The following DGKB variants were observed in gnomAD, a reference collection of about 807,000 sequenced individuals.
The protein encoded by DGKB is 90 kDa diacylglycerol kinase.
DGKB carries 67 observed loss-of-function variants against 114.3 expected under a neutral mutation model. The observed-to-expected ratio is 0.59, with a 90% confidence interval of 0.48 to 0.72. The LOEUF (loss-of-function observed/expected upper bound fraction) is 0.72, where lower values mean the gene tolerates loss of function less well. DGKB is among the 30% of genes least tolerant of loss of function. DGKB has a pLI of 0.00. For synonymous variants in DGKB, 398 were observed against 323.1 expected (o/e 1.23, Z -2.49); for missense variants, 907 against 975.2 (o/e 0.93, Z 0.93).
At chr7:14,675,285 G>A (rs1297285036) in intron 12 of DGKB, among the ~76,000 whole-genome samples, 3 of 152,080 alleles carry the variant, frequency 2.0e-5, no homozygotes, top group African/African-American at 7.2e-5. Context: ...AGAGGCCTCA[G>A]CCTCCTCCAC....
rs1847911427 is a variant in DGKB at position 14,841,401 on chromosome 7, C to G, written c.-138G>C. On this transcript the variant is annotated 5_prime_UTR_variant, in exon 2 of 26. Coordinates refer to ENST00000402815, the MANE Select transcript of DGKB (RefSeq NM_001350709.2). Reference sequence around the variant, plus strand: ...CAGGCTTTCAAAATATGCAATCTGTCCACATGAAACTGCTTTGGATGCTTG... The same window carrying G: ...CAGGCTTTCAAAATATGCAATCTGTGCACATGAAACTGCTTTGGATGCTTG... 3 of 607,444 alleles carry G rather than the reference C, an allele frequency of 4.9e-6. No individual in the cohort carries two copies. The Admixed American group carries it at 1.0e-4, about 21-fold the overall frequency. The allele number at this position is 607,444 out of a possible 1,614,324, so 37.6% of individuals were successfully genotyped here. A position where few individuals can be genotyped will look rare whatever the true frequency, so the allele number is the denominator to read the frequency against.
chr7:14,462,541 C>T (rs534550908), intron 21 of DGKB, among the ~76,000 whole-genome samples: 4 of 152,156 alleles, frequency 2.6e-5, no homozygotes, highest in East Asian at 1.9e-4. Flanking sequence ...ATACAACTTA[C>T]AAGGGATGTG....
chr7:14,892,495 A>T (rs2128226913), intron 1 of DGKB, among the ~76,000 whole-genome samples: 1 of 151,418 alleles, frequency 6.6e-6, no homozygotes. Context: ...AAACATATAC[A>T]TATATATTTA....
Position 14,796,687 on chromosome 7 carries a change from TAA to T in DGKB, c.71-38958_71-38957del, listed in dbSNP as rs59325137. Among the ~76,000 whole-genome samples, 315 of 140,886 alleles carry T rather than the reference TAA, an allele frequency of 2.2e-3. 3 individuals carry two copies. Among genetic ancestry groups the T allele is most frequent in the Middle Eastern group, 0.015 (4 of 262 alleles). 92.4% of individuals were successfully genotyped at this position (140,886 alleles called of 152,430 possible). On this transcript the variant is annotated intron_variant, in intron 2 of 25. Transcript: ENST00000402815. ...TTTTACTTGTAAACTTTCTAGAAAG[TAA>T]AAAAAAAAAAAAAGTATTTGCTTAT... is the stretch of plus-strand genomic sequence containing the variant.
At chr7:14,584,680 T>G (rs555087913) in intron 17 of DGKB, among the ~76,000 whole-genome samples, 1 of 151,864 alleles carries the variant, frequency 6.6e-6, no homozygotes, top group African/African-American at 2.4e-5. Context: ...TTTTTTGAGA[T>G]GGAGTTTCAC....
intron 21 of DGKB, among the ~76,000 whole-genome samples, chr7:14,392,982 G>GTTTTT (rs1298052301): frequency 1.1e-4 from 3 of 27,486 alleles, no homozygotes; most frequent in African/African-American, 1.8e-4. Context: ...AAACAGACCT[G>GTTTTT]TTTTTTGTTT....
At chr7:14,191,901 T>C (rs919484853) in intron 23 of DGKB, 8 of 567,548 alleles carry the variant, frequency 1.4e-5, no homozygotes, top group Admixed American at 1.3e-4. Flanking sequence ...AAGGAAAAGA[T>C]TGATTGCCAG....
intron 21 of DGKB, among the ~76,000 whole-genome samples, chr7:14,450,042 T>G (rs1167032628): frequency 1.3e-5 from 2 of 152,064 alleles, no homozygotes; most frequent in African/African-American, 4.8e-5. Context: ...AGGAACTAAT[T>G]TTGATTTTAT....
At chr7:14,760,885 T>C (rs1835584789) in intron 2 of DGKB, among the ~76,000 whole-genome samples, 4 of 152,290 alleles carry the variant, frequency 2.6e-5, no homozygotes, top group Middle Eastern at 3.4e-3. Context: ...TTTATTAGTG[T>C]ACTGGTCATA....
intron 17 of DGKB, among the ~76,000 whole-genome samples, chr7:14,605,012 C>T (rs2128773674): frequency 6.6e-6 from 1 of 151,988 alleles, no homozygotes; most frequent in South Asian, 2.1e-4. Flanking sequence ...AAACTTTTGA[C>T]ATTGAATATT....
chr7:14,958,332 T>C (rs1786633090), intron 1 of DGKB, among the ~76,000 whole-genome samples: 1 of 151,704 alleles, frequency 6.6e-6, no homozygotes. Flanking sequence ...GGTTTTATTT[T>C]AGACAAATAA....
chr7:14,602,112 T>C (rs1803657542), intron 17 of DGKB, among the ~76,000 whole-genome samples: 1 of 152,170 alleles, frequency 6.6e-6, no homozygotes, highest in Admixed American at 6.5e-5. Flanking sequence ...TTCTAGCAGC[T>C]ATAACAAACT....
chr7:14,858,382 TCTTA>T (rs1230923156), intron 1 of DGKB, among the ~76,000 whole-genome samples: 2 of 152,188 alleles, frequency 1.3e-5, no homozygotes, highest in Admixed American at 6.6e-5. Flanking sequence ...CATACTTTTC[TCTTA>T]CTTATTTTAG....
Position 14,783,176 on chromosome 7 carries a change from A to C in DGKB, c.71-25445T>G, listed in dbSNP as rs188895364. ...AATAAACATATAGTAACAAGATTAA[A>C]TATTACTTGAAATAATGAATAAAAG... On this transcript the variant is annotated intron_variant, in intron 2 of 25. Transcript: ENST00000402815. 4.4e-3 allele frequency among the ~76,000 whole-genome samples: 664 copies of C among 152,316 alleles called. 6 individuals carry two copies. Among genetic ancestry groups the C allele is most frequent in the African/African-American group, 0.015 (621 of 41,560 alleles).
In DGKB at chr7:14,945,021, G is replaced by A. The variant is rs1201652242; in HGVS notation, c.-188+29675C>T. Among the ~76,000 whole-genome samples the A allele has an allele frequency of 2.0e-5, 3 of 151,700 alleles. No individual in the cohort carries two copies. In the East Asian group the frequency reaches 5.8e-4, roughly 30 times the overall value. On this transcript the variant is annotated intron_variant, in intron 1 of 4. Transcript: ENST00000437998. Reference sequence around the variant, plus strand: ...GTATGTAACAGAATGAATTACATGTGTTCTCTAAAGGACATATACATGTGT... The same window carrying A: ...GTATGTAACAGAATGAATTACATGTATTCTCTAAAGGACATATACATGTGT...
chr7:14,171,611 A>G (rs1781008323), intron 25 of DGKB, among the ~76,000 whole-genome samples: 1 of 152,204 alleles, frequency 6.6e-6, no homozygotes, highest in South Asian at 2.1e-4. Context: ...ATTGAGAAAG[A>G]ATTTCTTCTC....
Position 14,825,056 on chromosome 7 carries a change from A to C in DGKB, c.70+16138T>G, listed in dbSNP as rs950696413. 1.4e-3 allele frequency among the ~76,000 whole-genome samples: 184 copies of C among 129,404 alleles called. 2 individuals are homozygous for C. The highest frequency in any genetic ancestry group is 6.9e-3 in the East Asian group (31 of 4,486). The allele number at this position is 129,404 out of a possible 152,430, so 84.9% of individuals were successfully genotyped here. On this transcript the variant is annotated intron_variant, in intron 2 of 25. Transcript: ENST00000402815. Reference sequence around the variant, plus strand: ...TATATATATATATATATATATATATATCACATGTACTAGGTAAGCAGAGAT... The same window carrying C: ...TATATATATATATATATATATATATCTCACATGTACTAGGTAAGCAGAGAT...
At chr7:14,597,220 GA>G (rs1802734575) in intron 17 of DGKB, among the ~76,000 whole-genome samples, 4 of 151,924 alleles carry the variant, frequency 2.6e-5, no homozygotes, top group Admixed American at 1.3e-4. Flanking sequence ...AAAAAACCAT[GA>G]ATAATTTAAT....
intron 21 of DGKB, among the ~76,000 whole-genome samples, chr7:14,477,781 T>C (rs1782403258): frequency 6.6e-6 from 1 of 152,168 alleles, no homozygotes; most frequent in Non-Finnish European, 1.5e-5. Flanking sequence ...ATAATCCCTA[T>C]GTAATATACA....
Sources: allele counts gnomAD v4.1 joint callset (sites outside exome capture counted in the v4.1 genomes callset), GRCh38; gene constraint gnomAD v4.1.1; transcripts MANE v1.5; gene names NCBI Gene and HGNC (gene_info 2026-07-23, HGNC 2026-07-21).